The following MYRIP variants were observed in gnomAD, a reference collection of about 807,000 sequenced individuals.
The protein encoded by MYRIP is rab effector MyRIP.
Under a neutral mutation model 98.0 loss-of-function variants are expected in MYRIP, and 49 were observed. That is an observed-to-expected ratio of 0.50 (90% CI 0.40 to 0.63). The LOEUF (loss-of-function observed/expected upper bound fraction) is 0.63, where lower values mean the gene tolerates loss of function less well. Among genes scored for constraint, MYRIP ranks in the 30% least tolerant of loss-of-function variants. The probability of loss-of-function intolerance (pLI) is 0.00; values close to 1 mark genes in which losing one functional copy is unlikely to be tolerated. For missense variants in MYRIP, 1,004 were observed against 1,058.2 expected (o/e 0.95, Z 0.71); for synonymous variants, 404 against 409.5 (o/e 0.99, Z 0.16).
intron 3 of MYRIP, among the ~76,000 whole-genome samples, chr3:40,132,702 C>T (rs1201404027): frequency 6.6e-6 from 1 of 152,260 alleles, no homozygotes; most frequent in Non-Finnish European, 1.5e-5. Context: ...TCAGCTTGGA[C>T]ATTAGCCACC....
At chr3:39,961,370 G>A (rs1348153227) in intron 2 of MYRIP, among the ~76,000 whole-genome samples, 1 of 152,084 alleles carries the variant, frequency 6.6e-6, no homozygotes, top group Non-Finnish European at 1.5e-5. Context: ...ATTTGAAGTG[G>A]CTTACTGATG....
At chr3:40,204,228 TA>T (rs1559452125) in intron 10 of MYRIP, among the ~76,000 whole-genome samples, 2 of 24,810 alleles carry the variant, frequency 8.1e-5, no homozygotes, top group African/African-American at 2.1e-4. Context: ...TATATAAATA[TA>T]TATATATTTT....
At chr3:40,148,579 T>A (rs929767350) in intron 3 of MYRIP, among the ~76,000 whole-genome samples, 1 of 152,228 alleles carries the variant, frequency 6.6e-6, no homozygotes, top group Non-Finnish European at 1.5e-5. Context: ...TTCCAATAAG[T>A]TGTTGCTTAT....
intron 1 of MYRIP, among the ~76,000 whole-genome samples, chr3:39,853,752 A>G (rs143348462): frequency 1.3e-5 from 2 of 150,912 alleles, no homozygotes; most frequent in East Asian, 3.9e-4. Context: ...GAAGCTTTCT[A>G]GTTTACTTAG....
chr3:40,255,611 A>G (rs1280569598), intron 16 of MYRIP, among the ~76,000 whole-genome samples: 1 of 152,248 alleles, frequency 6.6e-6, no homozygotes, highest in African/African-American at 2.4e-5. Flanking sequence ...AAAAGCATTG[A>G]GAGAAAACAA....
chr3:40,108,208 AGAGAGGG>A lies in MYRIP; in HGVS notation c.333-42839_333-42833del, dbSNP rs1575543568. Reference sequence around the variant, plus strand: ...GAGAGAGAGAGAGAGAGAGAGAGAGAGAGAGGGTGAGTCGAAGATGGCACTCACTGAA... The same window carrying A: ...GAGAGAGAGAGAGAGAGAGAGAGAGATGAGTCGAAGATGGCACTCACTGAA... On this transcript the variant is annotated intron_variant, in intron 3 of 16. Transcript: ENST00000302541. Among the ~76,000 whole-genome samples, 4 of 138,768 alleles carry A rather than the reference AGAGAGGG, an allele frequency of 2.9e-5. No homozygotes were observed. In the East Asian group the frequency reaches 9.2e-4, roughly 32 times the overall value. The allele number at this position is 138,768 out of a possible 152,430, so 91.0% of individuals were successfully genotyped here. A position where few individuals can be genotyped will look rare whatever the true frequency, so the allele number is the denominator to read the frequency against.
chr3:39,886,834 C>T (rs547337459), intron 1 of MYRIP, among the ~76,000 whole-genome samples: 6,263 of 151,704 alleles, frequency 0.041, 320 homozygotes, highest in East Asian at 0.12. Context: ...TTGCACCAAG[C>T]GCACCTAATA....
chr3:39,822,156 G>A (rs1255286498), intron 1 of MYRIP, among the ~76,000 whole-genome samples: 1 of 152,086 alleles, frequency 6.6e-6, no homozygotes, highest in African/African-American at 2.4e-5. Flanking sequence ...CTGTGTTTAA[G>A]AGAGCTATAC....
chr3:40,171,958 G>A (rs1575594524), intron 8 of MYRIP, among the ~76,000 whole-genome samples: 1 of 152,230 alleles, frequency 6.6e-6, no homozygotes, highest in African/African-American at 2.4e-5. Flanking sequence ...TTAAGTAGTG[G>A]CAGGCAAGAG....
chr3:39,932,418 T>C (rs1244140803), intron 2 of MYRIP, among the ~76,000 whole-genome samples: 2 of 151,946 alleles, frequency 1.3e-5, no homozygotes, highest in South Asian at 4.2e-4. Flanking sequence ...TGGAGTGCAG[T>C]GGTGCAATCT....
chr3:39,820,618 T>G (rs1941075118), intron 1 of MYRIP, among the ~76,000 whole-genome samples: 1 of 152,234 alleles, frequency 6.6e-6, no homozygotes. Flanking sequence ...AGATTTTGAT[T>G]TACTAGAATG....
rs139786980 is a variant in MYRIP at position 39,957,214 on chromosome 3, G to A, written c.110+56288G>A. Among the ~76,000 whole-genome samples the A allele has an allele frequency of 7.9e-5, 12 of 151,838 alleles. No homozygotes were observed. In the East Asian group the frequency reaches 2.3e-3, roughly 29 times the overall value. The stretch of plus-strand genomic sequence containing the variant: ...ATCATCCTGATACCAAAGCCTGACA[G>A]GGACACACCAAAAAAGAGAATTTTA... On this transcript the variant is annotated intron_variant, in intron 2 of 16. Transcript: ENST00000302541.
intron 3 of MYRIP, among the ~76,000 whole-genome samples, chr3:40,054,877 C>A (rs997844727): frequency 1.3e-5 from 2 of 152,202 alleles, no homozygotes; most frequent in East Asian, 3.9e-4. Context: ...ATTTTAGCAA[C>A]TGAAAAAACA....
chr3:40,243,669 G>A (rs7639223), intron 12 of MYRIP, among the ~76,000 whole-genome samples: 80,968 of 151,396 alleles, frequency 0.53, 22,740 homozygotes, highest in East Asian at 0.75. Context: ...GATTAGGATG[G>A]GGGGGTATTT....
chr3:40,259,115 G>T lies in MYRIP; in HGVS notation c.*949G>T, dbSNP rs1953691443. ...TAAATATTCAGCAAAGTAGTAAAAT[G>T]ACCTTAAAGATAAAAATGATTAGGG... On this transcript the variant is annotated 3_prime_UTR_variant, in exon 17 of 17. Transcript: ENST00000302541. 1.3e-5 allele frequency: 2 copies of T among 152,114 alleles called. No homozygotes were observed. The highest frequency in any genetic ancestry group is 1.3e-4 in the Admixed American group (2 of 15,274). 9.4% of individuals were successfully genotyped at this position (152,114 alleles called of 1,614,324 possible).
intron 8 of MYRIP, among the ~76,000 whole-genome samples, chr3:40,180,414 T>C (rs534652794): frequency 3.9e-4 from 59 of 152,370 alleles, no homozygotes; most frequent in African/African-American, 1.4e-3. Flanking sequence ...TTACCCTCAG[T>C]TGCTCCACAG....
intron 1 of MYRIP, among the ~76,000 whole-genome samples, chr3:39,875,941 T>C (rs1335444572): frequency 6.6e-6 from 1 of 152,006 alleles, no homozygotes; most frequent in Non-Finnish European, 1.5e-5. Flanking sequence ...GACAGTGGGG[T>C]GTTAATGTCT....
chr3:40,018,761 T>C (rs1426643862), intron 2 of MYRIP, among the ~76,000 whole-genome samples: 1 of 152,096 alleles, frequency 6.6e-6, no homozygotes, highest in African/African-American at 2.4e-5. Context: ...AGAGGTTACT[T>C]CCATAGGCAA....
intron 2 of MYRIP, among the ~76,000 whole-genome samples, chr3:39,979,603 A>G (rs933113241): frequency 6.7e-6 from 1 of 149,890 alleles, no homozygotes; most frequent in East Asian, 1.9e-4. Context: ...GCACCATTGC[A>G]CTCCAGCCTG....
Sources: allele counts gnomAD v4.1 joint callset (sites outside exome capture counted in the v4.1 genomes callset), GRCh38; gene constraint gnomAD v4.1.1; transcripts MANE v1.5; gene names NCBI Gene and HGNC (gene_info 2026-07-23, HGNC 2026-07-21).